MEGF11: variants seen among roughly 807,000 people sequenced by gnomAD.
MEGF11 encodes the protein multiple EGF like domains 11, also known as multiple epidermal growth factor-like domains protein 11.
Under a neutral mutation model 146.6 loss-of-function variants are expected in MEGF11, and 126 were observed. That is an observed-to-expected ratio of 0.86 (90% CI 0.74 to 1.00). The LOEUF (loss-of-function observed/expected upper bound fraction) is 1.00, where lower values mean the gene tolerates loss of function less well. MEGF11 is among the 50% of genes least tolerant of loss of function. The pLI, the probability that MEGF11 is intolerant of heterozygous loss-of-function variation, is 0.00. For missense variants in MEGF11, 1,509 were observed against 1,521.2 expected (o/e 0.99, Z 0.13); for synonymous variants, 532 against 583.4 (o/e 0.91, Z 1.27).
chr15:65,991,251 C>T (rs1216343726), intron 5 of MEGF11, among the ~76,000 whole-genome samples: 1 of 152,162 alleles, frequency 6.6e-6, no homozygotes, highest in Admixed American at 6.5e-5. Context: ...ACCCTAACCC[C>T]GAGAGCTTAC....
chr15:66,131,948 G>A (rs990613330), intron 1 of MEGF11, among the ~76,000 whole-genome samples: 1 of 152,206 alleles, frequency 6.6e-6, no homozygotes, highest in Non-Finnish European at 1.5e-5. Context: ...CCTGGTGCAT[G>A]TCAAGCTGTG....
intron 15 of MEGF11, among the ~76,000 whole-genome samples, chr15:65,918,897 T>C (rs2079086590): frequency 6.6e-6 from 1 of 152,242 alleles, no homozygotes; most frequent in African/African-American, 2.4e-5. Flanking sequence ...TTTCTACAGC[T>C]TGAGCTCTCT....
chr15:66,181,569 G>A (rs1470871918), intron 1 of MEGF11, among the ~76,000 whole-genome samples: 1 of 151,652 alleles, frequency 6.6e-6, no homozygotes, highest in Non-Finnish European at 1.5e-5. Context: ...CAGGGATGTA[G>A]GATGCCAATC....
chr15:66,120,635 G>A lies in MEGF11; in HGVS notation c.201-1449C>T, dbSNP rs191776872. The stretch of plus-strand genomic sequence containing the variant: ...AACTCTGGGGAAATCTGTGATATTT[G>A]GGAATGTCGTAAGCTAAGGTCATTC... On this transcript the variant is annotated intron_variant, in intron 3 of 25. Transcript: ENST00000395614. Among the ~76,000 whole-genome samples the A allele has an allele frequency of 1.8e-4, 27 of 152,292 alleles. 1 individual carries two copies. Among genetic ancestry groups the A allele is most frequent in the Admixed American group, 1.7e-3 (26 of 15,300 alleles).
intron 1 of MEGF11, among the ~76,000 whole-genome samples, chr15:66,191,642 C>T (rs1406336561): frequency 6.6e-6 from 1 of 152,174 alleles, no homozygotes; most frequent in Non-Finnish European, 1.5e-5. Flanking sequence ...TTGAGAGTAC[C>T]TGGTATCACA....
intron 9 of MEGF11, among the ~76,000 whole-genome samples, chr15:65,963,651 G>GTGTT (rs1360181133): frequency 2.6e-5 from 4 of 152,344 alleles, no homozygotes; most frequent in Non-Finnish European, 4.4e-5. Context: ...TGGGCGCTCA[G>GTGTT]TGTTTGTTGA....
intron 10 of MEGF11, among the ~76,000 whole-genome samples, chr15:65,956,175 T>C (rs1387983947): frequency 6.6e-6 from 1 of 152,178 alleles, no homozygotes; most frequent in African/African-American, 2.4e-5. Context: ...AAAGCTTTCC[T>C]AGTGATTTCA....
chr15:65,988,838 C>T (rs971784565), intron 5 of MEGF11, among the ~76,000 whole-genome samples: 1 of 152,102 alleles, frequency 6.6e-6, no homozygotes, highest in Non-Finnish European at 1.5e-5. Context: ...CCCACATCCA[C>T]CATCTGGTCC....
intron 5 of MEGF11, among the ~76,000 whole-genome samples, chr15:65,995,180 T>C (rs333570): frequency 0.97 from 147,187 of 152,306 alleles, 71,321 homozygotes; most frequent in Middle Eastern, 1. Context: ...GGAGGGGGCG[T>C]GCAGGGCTGG....
At chr15:66,012,554 A>T (rs531841186) in intron 5 of MEGF11, among the ~76,000 whole-genome samples, 1 of 152,248 alleles carries the variant, frequency 6.6e-6, no homozygotes, top group Non-Finnish European at 1.5e-5. Flanking sequence ...AATAATTCTA[A>T]TTATGATGCA....
chr15:65,982,098 C>T lies in MEGF11; in HGVS notation c.641+144G>A. On this transcript the variant is annotated intron_variant, in intron 6 of 25. Transcript: ENST00000395614. This position sits in a 1 kb window ranked among gnomAD's most constrained non-coding sequence, Gnocchi z 5.6. ...CCACCCAGCCCACCCACAAGGAGCC[C>T]AGGGCTGGGCGTGCAGCTGCGGTGA... The T allele has an allele frequency of 1.6e-6, 2 of 1,219,832 alleles. No homozygotes were observed. The highest frequency in any genetic ancestry group is 2.2e-6 in the Non-Finnish European group (2 of 907,056). 75.6% of individuals were successfully genotyped at this position (1,219,832 alleles called of 1,614,324 possible). A position where few individuals can be genotyped will look rare whatever the true frequency, so the allele number is the denominator to read the frequency against.
chr15:65,935,781 A>G (rs887259444), intron 10 of MEGF11, among the ~76,000 whole-genome samples: 1 of 152,198 alleles, frequency 6.6e-6, no homozygotes, highest in Non-Finnish European at 1.5e-5. Context: ...CTCAGTACCA[A>G]TGCATACCAG....
chr15:66,252,273 C>T lies in MEGF11; in HGVS notation c.-9+1332G>A, dbSNP rs900692626. The stretch of plus-strand genomic sequence containing the variant: ...GGCCGGGGTTTTAACCCTTGTTTCC[C>T]TGGCAGAGCGCCGGAGGGGCGCTGG... On this transcript the variant is annotated intron_variant, in intron 1 of 25. Coordinates refer to ENST00000395614, the MANE Select transcript of MEGF11 (RefSeq NM_001385028.1). Among the ~76,000 whole-genome samples the T allele has an allele frequency of 7.6e-5, 11 of 143,958 alleles. No individual in the cohort carries two copies. In the East Asian group the frequency reaches 2.5e-3, roughly 33 times the overall value. 94.4% of individuals were successfully genotyped at this position (143,958 alleles called of 152,430 possible).
chr15:66,235,357 C>T (rs903423615), intron 1 of MEGF11, among the ~76,000 whole-genome samples: 1 of 151,922 alleles, frequency 6.6e-6, no homozygotes, highest in Non-Finnish European at 1.5e-5. Context: ...TTAAAATTAG[C>T]TGGGTATGGT....
At chr15:65,918,620 C>A (rs1427792353) in intron 15 of MEGF11, among the ~76,000 whole-genome samples, 1 of 152,242 alleles carries the variant, frequency 6.6e-6, no homozygotes, top group Non-Finnish European at 1.5e-5. Context: ...CTGCCTCTTT[C>A]CTCTGACCTG....
intron 4 of MEGF11, among the ~76,000 whole-genome samples, chr15:66,102,468 C>T (rs2086864370): frequency 6.8e-6 from 1 of 146,852 alleles, no homozygotes; most frequent in African/African-American, 2.5e-5. Flanking sequence ...GGGTCTCACT[C>T]TGTCGCCCAG....
At position 65,916,219 on chromosome 15, in the gene MEGF11, C is replaced by A; in HGVS notation, c.2273G>T (p.Gly758Val). 3 of 1,570,974 alleles carry A rather than the reference C, an allele frequency of 1.9e-6. No individual in the cohort carries two copies. The highest frequency in any genetic ancestry group is 1.7e-6 in the Non-Finnish European group (2 of 1,158,082). ...DCGRVCQCQN[G>V]ASCDHISGKC... Reference sequence around the variant, plus strand: ...GCCACTGATGTGGTCACAGCTGGCGCCATTCTGACACTGGCATACGCGCCC... The same window carrying A: ...GCCACTGATGTGGTCACAGCTGGCGACATTCTGACACTGGCATACGCGCCC... The change falls in exon 18 of 26, where the codon GGC becomes GTC. Residue 758 changes from glycine (G) to valine (V), a missense_variant. Physicochemically the swap from Gly to Val is moderately radical, Grantham distance 109. Coordinates refer to ENST00000395614, the MANE Select transcript of MEGF11 (RefSeq NM_001385028.1).
chr15:65,945,271 C>T (rs1006723085), intron 10 of MEGF11, among the ~76,000 whole-genome samples: 7 of 152,210 alleles, frequency 4.6e-5, no homozygotes, highest in Non-Finnish European at 7.3e-5. Context: ...TCACAGAGTG[C>T]CTCACCACAC....
chr15:66,188,732 C>G (rs919559434), intron 1 of MEGF11, among the ~76,000 whole-genome samples: 7 of 152,224 alleles, frequency 4.6e-5, no homozygotes, highest in African/African-American at 1.7e-4. Flanking sequence ...CCCAGTGAGC[C>G]TAGACAGCCA....
Sources: gnomAD v4.1 joint callset for allele counts (sites outside exome capture counted in the v4.1 genomes callset) on GRCh38, gnomAD v4.1.1 for gene constraint, Gnocchi (gnomAD v3.1) non-coding constraint, MANE v1.5 for transcripts, NCBI Gene and HGNC (gene_info 2026-07-23, HGNC 2026-07-21) for gene names.